Variants in PIK3R1 observed in about 807,000 individuals in gnomAD.
The protein encoded by PIK3R1 is phosphatidylinositol 3-kinase regulatory subunit alpha.
A neutral mutation model predicts 98.0 loss-of-function variants in PIK3R1; 29 were observed. The observed-to-expected ratio is 0.30, with a 90% CI of 0.22 to 0.40. The LOEUF is 0.40. Ranked by LOEUF, PIK3R1 falls within the 10% of genes least tolerant of loss-of-function variation. The pLI is 1.00. For synonymous variants in PIK3R1, 282 were observed against 311.8 expected (o/e 0.90, Z 1.01); for missense variants, 596 against 872.7 (o/e 0.68, Z 3.99).
intron 1 of PIK3R1, among the ~76,000 whole-genome samples, chr5:68,224,637 G>A (rs928846561): frequency 5.9e-5 from 9 of 152,184 alleles, no homozygotes; most frequent in Non-Finnish European, 2.9e-5. Flanking sequence ...AACTTCTAAA[G>A]TGTTCCACTC....
chr5:68,234,039 C>T (rs1008492394), intron 2 of PIK3R1, among the ~76,000 whole-genome samples: 10 of 152,102 alleles, frequency 6.6e-5, no homozygotes, highest in South Asian at 2.1e-4. Context: ...TTGCAGGAGA[C>T]GTAATTTGAT....
intron 2 of PIK3R1, among the ~76,000 whole-genome samples, chr5:68,256,678 A>G (rs996931587): frequency 2.0e-5 from 3 of 152,168 alleles, no homozygotes; most frequent in African/African-American, 7.2e-5. Context: ...CAGTTGTGCA[A>G]AATTCACTAT....
intron 2 of PIK3R1, among the ~76,000 whole-genome samples, chr5:68,269,949 A>G (rs997233268): frequency 6.6e-6 from 1 of 152,136 alleles, no homozygotes; most frequent in African/African-American, 2.4e-5. Context: ...CTGATCAGCT[A>G]TGATGATTCA....
At chr5:68,255,866 C>T (rs556575949) in intron 2 of PIK3R1, among the ~76,000 whole-genome samples, 4 of 152,302 alleles carry the variant, frequency 2.6e-5, no homozygotes, top group South Asian at 2.1e-4. Flanking sequence ...GTCTGCAAGA[C>T]GTTTCACATT....
intron 2 of PIK3R1, among the ~76,000 whole-genome samples, chr5:68,230,371 T>C (rs16897509): frequency 0.014 from 2,092 of 152,338 alleles, 48 homozygotes; most frequent in African/African-American, 0.048. Flanking sequence ...TAGGACAGTG[T>C]GGTAGTTTCC....
Position 68,248,793 on chromosome 5 carries a change from CA to C in PIK3R1, c.334+21792del, listed in dbSNP as rs553675537. Reference sequence around the variant, plus strand: ...TATGTAGTACACCTATATATGTGTGCAAAAAAAATGTAAACTGTTACAAAGC... The same window carrying C: ...TATGTAGTACACCTATATATGTGTGCAAAAAAATGTAAACTGTTACAAAGC... On this transcript the variant is annotated intron_variant, in intron 2 of 15. Transcript: ENST00000521381. 3.6e-3 allele frequency among the ~76,000 whole-genome samples: 545 copies of C among 151,282 alleles called. 1 individual carries two copies. The highest frequency in any genetic ancestry group is 6.0e-3 in the Admixed American group (92 of 15,224).
chr5:68,280,422 C>G (rs989887379), intron 5 of PIK3R1, 106 bp from the exon 6 acceptor site: 1 of 765,848 alleles, frequency 1.3e-6, no homozygotes, highest in African/African-American at 1.7e-5. Context: ...TTTTAAATGA[C>G]TCCTATAGCT....
intron 2 of PIK3R1, among the ~76,000 whole-genome samples, chr5:68,271,986 C>G (rs1030149901): frequency 5.3e-5 from 8 of 152,092 alleles, no homozygotes; most frequent in African/African-American, 1.4e-4. Flanking sequence ...TGCAGTGGCT[C>G]ACACCTGTAA....
chr5:68,267,612 C>G (rs1419579683), intron 2 of PIK3R1, among the ~76,000 whole-genome samples: 1 of 152,044 alleles, frequency 6.6e-6, no homozygotes, highest in East Asian at 1.9e-4. Flanking sequence ...TTTGTACTCT[C>G]ATTTTCAGTT....
Position 68,280,556 on chromosome 5 carries a change from G to A in PIK3R1, c.663G>A (p.Gln221=), listed in dbSNP as rs778030596. Residue 221 remains glutamine (Q), a synonymous_variant, in exon 6 of 16, where the codon CAG becomes CAA. Transcript: ENST00000521381. ...TACAAAGCTCCGAAGAATATATTCA[G>A]CTATTGAAGAAGCTTATTAGGTCGC... ...PEVQSSEEYI[Q]LLKKLIRSPS... 2.1e-5 allele frequency: 34 copies of A among 1,608,234 alleles called. No individual in the cohort carries two copies. Among genetic ancestry groups the A allele is most frequent in the Non-Finnish European group, 2.8e-5 (33 of 1,175,862 alleles).
At chr5:68,269,425 T>G (rs1746257515) in intron 2 of PIK3R1, among the ~76,000 whole-genome samples, 1 of 152,206 alleles carries the variant, frequency 6.6e-6, no homozygotes, top group Non-Finnish European at 1.5e-5. Flanking sequence ...CTCTGTTAAT[T>G]TGTGTTTGCT....
chr5:68,258,999 A>T (rs911087363), intron 2 of PIK3R1, among the ~76,000 whole-genome samples: 4 of 152,106 alleles, frequency 2.6e-5, no homozygotes. Flanking sequence ...TTTTTTCTTT[A>T]TACTTAGCTG....
intron 2 of PIK3R1, among the ~76,000 whole-genome samples, chr5:68,259,358 T>A (rs1030771774): frequency 2.0e-5 from 3 of 152,250 alleles, no homozygotes; most frequent in African/African-American, 7.2e-5. Flanking sequence ...CCCCACTATT[T>A]ACAGGGCACT....
Position 68,248,443 on chromosome 5 carries a change from A to G in PIK3R1, c.334+21434A>G, listed in dbSNP as rs572283672. Among the ~76,000 whole-genome samples the G allele has an allele frequency of 3.3e-5, 5 of 152,178 alleles. No individual in the cohort carries two copies. The East Asian group carries it at 5.8e-4, about 18-fold the overall frequency. On this transcript the variant is annotated intron_variant, in intron 2 of 15. Coordinates refer to ENST00000521381, the MANE Select transcript of PIK3R1 (RefSeq NM_181523.3). Reference sequence around the variant, plus strand: ...CCCTCATTGTCCTCTGTATCTAAACACCCTTCAATTCTTGAGAAAATTAAG... The same window carrying G: ...CCCTCATTGTCCTCTGTATCTAAACGCCCTTCAATTCTTGAGAAAATTAAG...
At chr5:68,218,792 A>G (rs1042972915) in intron 1 of PIK3R1, among the ~76,000 whole-genome samples, 2 of 152,236 alleles carry the variant, frequency 1.3e-5, no homozygotes, top group Non-Finnish European at 2.9e-5. Flanking sequence ...GAAGCATTTT[A>G]ATGAAGCCCT....
chr5:68,245,050 T>C (rs1164614210), intron 2 of PIK3R1, among the ~76,000 whole-genome samples: 1 of 152,208 alleles, frequency 6.6e-6, no homozygotes, highest in Non-Finnish European at 1.5e-5. Flanking sequence ...GGGTTGATTC[T>C]CTGAGACTCA....
At chr5:68,280,460 G>T in intron 5 of PIK3R1, 68 bp from the exon 6 acceptor site, 1 of 1,097,696 alleles carries the variant, frequency 9.1e-7, no homozygotes, top group Non-Finnish European at 1.3e-6. Context: ...TTTTCTAGGT[G>T]TTTATTCACT....
intron 7 of PIK3R1, among the ~76,000 whole-genome samples, chr5:68,284,033 G>C (rs1746967787): frequency 6.6e-6 from 1 of 152,220 alleles, no homozygotes; most frequent in African/African-American, 2.4e-5. Context: ...GGAAAAAAAA[G>C]TGGGCTTCTG....
chr5:68,295,892 T>C (rs1747685467), intron 14 of PIK3R1: 1 of 486,410 alleles, frequency 2.1e-6, no homozygotes, highest in Admixed American at 3.6e-5. Context: ...AACGAGATTG[T>C]TTTAATACCT....
Sources: gnomAD v4.1 joint callset for allele counts (sites outside exome capture counted in the v4.1 genomes callset) on GRCh38, gnomAD v4.1.1 for gene constraint, MANE v1.5 for transcripts, NCBI Gene and HGNC (gene_info 2026-07-23, HGNC 2026-07-21) for gene names.